ANKRD6: variants seen among roughly 807,000 people sequenced by gnomAD.
The protein encoded by ANKRD6 is ankyrin repeat domain 6, also known as ankyrin repeat domain-containing protein 6.
ANKRD6 carries 56 observed loss-of-function variants against 82.3 expected under a neutral mutation model. The observed-to-expected ratio is 0.68, with a 90% CI of 0.55 to 0.85. The LOEUF is 0.85. Ranked by LOEUF, ANKRD6 falls within the 40% of genes least tolerant of loss-of-function variation. The probability of loss-of-function intolerance (pLI) is 0.00; values close to 1 mark genes in which losing one functional copy is unlikely to be tolerated. For synonymous variants in ANKRD6, 347 were observed against 352.1 expected (o/e 0.99, Z 0.16); for missense variants, 852 against 907.6 (o/e 0.94, Z 0.79).
intron 14 of ANKRD6, chr6:89,628,729 C>T: frequency 4.0e-6 from 1 of 251,496 alleles, no homozygotes; most frequent in South Asian, 4.8e-5. Flanking sequence ...GACATCGTGC[C>T]ACTGCACTCC....
chr6:89,542,638 GGTT>G (rs1784573406), intron 1 of ANKRD6, among the ~76,000 whole-genome samples: 10 of 152,150 alleles, frequency 6.6e-5, no homozygotes, highest in Admixed American at 3.3e-4. Flanking sequence ...CTCACCAACT[GGTT>G]AATGAGTATC....
intron 1 of ANKRD6, among the ~76,000 whole-genome samples, chr6:89,548,062 A>C (rs964220381): frequency 6.6e-6 from 1 of 152,212 alleles, no homozygotes; most frequent in Non-Finnish European, 1.5e-5. Flanking sequence ...TTTACATACC[A>C]TAAATTTACC....
chr6:89,599,969 G>C (rs1018595852), intron 3 of ANKRD6, among the ~76,000 whole-genome samples: 2 of 152,126 alleles, frequency 1.3e-5, no homozygotes, highest in African/African-American at 4.8e-5. Flanking sequence ...TGGAGGGGGA[G>C]CTGTGGCCTG....
rs1583836044 is a variant in ANKRD6, at chr6:89,618,218, G to A, written c.792+187G>A. On this transcript the variant is annotated intron_variant, in intron 9 of 15. Coordinates refer to ENST00000339746, the MANE Select transcript of ANKRD6 (RefSeq NM_001242809.2). ...TCAAAGGCATCAAGTCCAGCTCTTC[G>A]TGTTCATGCCTGGGCCGCCTCATCT... 5.5e-6 allele frequency: 4 copies of A among 723,848 alleles called. No homozygotes were observed. The East Asian group carries it at 1.1e-4, about 19-fold the overall frequency. 44.8% of individuals were successfully genotyped at this position (723,848 alleles called of 1,614,324 possible). A position where few individuals can be genotyped will look rare whatever the true frequency, so the allele number is the denominator to read the frequency against.
chr6:89,593,395 T>C (rs916723050), intron 2 of ANKRD6, among the ~76,000 whole-genome samples: 2 of 152,238 alleles, frequency 1.3e-5, no homozygotes, highest in East Asian at 3.9e-4. Context: ...TATGATTTCA[T>C]TGGAAGAATC....
At chr6:89,622,058 C>T (rs781353892) in intron 10 of ANKRD6, 32 bp downstream of exon 10, 1 of 1,596,392 alleles carries the variant, frequency 6.3e-7, no homozygotes, top group East Asian at 2.2e-5. Flanking sequence ...GTCCCCACAT[C>T]CACCCATGCT....
intron 1 of ANKRD6, among the ~76,000 whole-genome samples, chr6:89,471,347 A>AAAC (rs1156396348): frequency 4.7e-5 from 7 of 150,420 alleles, no homozygotes; most frequent in Non-Finnish European, 8.9e-5. Context: ...TCTGTCTCAA[A>AAAC]AACAACAACA....
Position 89,587,181 on chromosome 6 carries a change from A to G in ANKRD6, c.121-8735A>G, listed in dbSNP as rs535295055. Among the ~76,000 whole-genome samples the G allele has an allele frequency of 4.2e-4, 54 of 130,118 alleles. No individual in the cohort carries two copies. The South Asian group carries it at 0.014, about 33-fold the overall frequency. 85.4% of individuals were successfully genotyped at this position (130,118 alleles called of 152,430 possible). A position where few individuals can be genotyped will look rare whatever the true frequency, so the allele number is the denominator to read the frequency against. ...ACTCTAGCCTGGGCGACAGAGTGAA[A>G]CTCCGTCTCAAAAAAAAAAAAAAAA... is the stretch of plus-strand genomic sequence containing the variant. On this transcript the variant is annotated intron_variant, in intron 2 of 15. Transcript: ENST00000339746.
At chr6:89,464,387 G>C (rs769583581) in intron 1 of ANKRD6, among the ~76,000 whole-genome samples, 1 of 152,148 alleles carries the variant, frequency 6.6e-6, no homozygotes, top group Non-Finnish European at 1.5e-5. Flanking sequence ...TACAGAAAAC[G>C]TTTCTTTAGT....
intron 1 of ANKRD6, among the ~76,000 whole-genome samples, chr6:89,506,706 C>G (rs1779907139): frequency 6.6e-6 from 1 of 152,226 alleles, no homozygotes; most frequent in East Asian, 1.9e-4. Context: ...AGTTTGCTTG[C>G]CAGCCAAAAG....
At chr6:89,627,253 C>T (rs1010928768) in intron 13 of ANKRD6, among the ~76,000 whole-genome samples, 14 of 152,238 alleles carry the variant, frequency 9.2e-5, no homozygotes, top group South Asian at 2.1e-4. Context: ...GATGGGGTTT[C>T]GCCATGTTGG....
chr6:89,475,739 A>C (rs1363365756), intron 1 of ANKRD6, among the ~76,000 whole-genome samples: 2 of 152,228 alleles, frequency 1.3e-5, no homozygotes, highest in East Asian at 3.8e-4. Context: ...TTCATAGGAC[A>C]GATTCCCAGA....
chr6:89,486,165 AC>A (rs1421902074), intron 1 of ANKRD6, among the ~76,000 whole-genome samples: 3 of 152,328 alleles, frequency 2.0e-5, no homozygotes, highest in Admixed American at 2.0e-4. Context: ...GTGTCACATA[AC>A]AACTTTGTAG....
chr6:89,519,237 T>C (rs547254042), intron 1 of ANKRD6, among the ~76,000 whole-genome samples: 40 of 152,308 alleles, frequency 2.6e-4, no homozygotes, highest in African/African-American at 8.9e-4. Context: ...AATTTACAGA[T>C]TGAGAATATC....
intron 1 of ANKRD6, among the ~76,000 whole-genome samples, chr6:89,503,761 T>A (rs746418347): frequency 6.6e-6 from 1 of 152,164 alleles, no homozygotes; most frequent in Non-Finnish European, 1.5e-5. Context: ...AGGTAACATT[T>A]GTACAAACAC....
At chr6:89,518,174 G>A (rs6911794) in intron 1 of ANKRD6, among the ~76,000 whole-genome samples, 22,377 of 151,982 alleles carry the variant, frequency 0.15, 1,896 homozygotes, top group South Asian at 0.33. Context: ...AGGCCGAGGC[G>A]GGTGGATCAC....
intron 3 of ANKRD6, among the ~76,000 whole-genome samples, chr6:89,599,636 G>A (rs1454577682): frequency 1.7e-5 from 2 of 117,882 alleles, no homozygotes; most frequent in African/African-American, 5.4e-5. Flanking sequence ...TTTCAACTGA[G>A]GGCCTCAAGG....
chr6:89,490,021 AC>A (rs776870995), intron 1 of ANKRD6, among the ~76,000 whole-genome samples: 63 of 152,322 alleles, frequency 4.1e-4, no homozygotes, highest in Admixed American at 1.5e-3. Context: ...CATGCAGACA[AC>A]ATGACTAATT....
At chr6:89,532,511 A>G (rs1398405840) in intron 1 of ANKRD6, among the ~76,000 whole-genome samples, 1 of 152,028 alleles carries the variant, frequency 6.6e-6, no homozygotes, top group Non-Finnish European at 1.5e-5. Context: ...AGCACACTAC[A>G]CTTTCCTTGA....
Sources: gnomAD v4.1 joint callset for allele counts (sites outside exome capture counted in the v4.1 genomes callset) on GRCh38, gnomAD v4.1.1 for gene constraint, MANE v1.5 for transcripts, NCBI Gene and HGNC (gene_info 2026-07-23, HGNC 2026-07-21) for gene names.